The following PLXND1 variants were observed in gnomAD, a reference collection of about 807,000 sequenced individuals.
The protein encoded by PLXND1 is plexin-D1.
In PLXND1, 54 loss-of-function variants were observed where a neutral mutation model predicts 197.7. That is an observed-to-expected ratio of 0.27 (90% CI 0.22 to 0.34). PLXND1 has a LOEUF of 0.34. PLXND1 is among the 10% of genes least tolerant of loss of function. The pLI is 1.00. For synonymous variants in PLXND1, 1,180 were observed against 1,161.2 expected, an observed-to-expected ratio of 1.02 and a Z score of -0.33; for missense variants, 2,127 against 2,699.2, an observed-to-expected ratio of 0.79 and a Z score of 4.70.
At chr3:129,568,521 A>G (rs191579406) in intron 20 of PLXND1, among the ~76,000 whole-genome samples, 3 of 152,282 alleles carry the variant, frequency 2.0e-5, no homozygotes, top group Non-Finnish European at 4.4e-5. Context: ...TAATCCAGTG[A>G]TTTAAAGTGT....
chr3:129,579,167 G>A (rs2085354346), intron 8 of PLXND1, among the ~76,000 whole-genome samples: 1 of 152,058 alleles, frequency 6.6e-6, no homozygotes, highest in East Asian at 1.9e-4. Flanking sequence ...GGAGGGAGGA[G>A]GGAGGGAAGG....
chr3:129,605,118 G>A (rs1274913834), intron 1 of PLXND1, among the ~76,000 whole-genome samples: 4 of 152,168 alleles, frequency 2.6e-5, no homozygotes, highest in Non-Finnish European at 4.4e-5. Context: ...TTGAGTCCCT[G>A]CACATGCCCA....
intron 1 of PLXND1, among the ~76,000 whole-genome samples, chr3:129,600,719 C>G (rs9682596): frequency 0.72 from 108,572 of 151,072 alleles, 39,913 homozygotes; most frequent in Non-Finnish European, 0.79. Context: ...CTGCTTGCAC[C>G]CTTCGTCACT....
intron 9 of PLXND1, among the ~76,000 whole-genome samples, chr3:129,578,073 C>T (rs1199428699): frequency 1.3e-5 from 2 of 152,208 alleles, no homozygotes; most frequent in African/African-American, 2.4e-5. Context: ...TTTCCCTTGG[C>T]AGCTGTTGGC....
chr3:129,583,709 C>A (rs2085417981), intron 7 of PLXND1, 40 bp from the exon 8 acceptor site: 1 of 1,335,642 alleles, frequency 7.5e-7, no homozygotes, highest in Non-Finnish European at 1.1e-6. Context: ...GGTTCCCCAC[C>A]CCTCAACTCA....
chr3:129,567,954 G>C lies in PLXND1; in HGVS notation c.3866-149C>G, dbSNP rs572208081. 3.6e-4 allele frequency: 82 copies of C among 229,334 alleles called. 1 individual carries two copies. Among genetic ancestry groups the C allele is most frequent in the Non-Finnish European group, 5.8e-4 (66 of 114,316 alleles). 14.2% of individuals were successfully genotyped at this position (229,334 alleles called of 1,614,324 possible). A position where few individuals can be genotyped will look rare whatever the true frequency, so the allele number is the denominator to read the frequency against. ...CCTCCCTCCTGGGCAGGGTTGGGGTGGGGGGTGGGGAGTTGCGGGGAGCTC... is the reference window on the plus strand; with the variant it reads ...CCTCCCTCCTGGGCAGGGTTGGGGTCGGGGGTGGGGAGTTGCGGGGAGCTC... On this transcript the variant is annotated intron_variant, in intron 20 of 35. Transcript: ENST00000324093.
intron 1 of PLXND1, among the ~76,000 whole-genome samples, chr3:129,604,384 C>G (rs984530339): frequency 3.3e-5 from 5 of 152,268 alleles, no homozygotes; most frequent in African/African-American, 1.2e-4. Flanking sequence ...GCCAGACAGG[C>G]TGGATTCAAA....
chr3:129,581,660 A>T (rs2085389338), intron 8 of PLXND1, among the ~76,000 whole-genome samples: 1 of 152,170 alleles, frequency 6.6e-6, no homozygotes, highest in African/African-American at 2.4e-5. Flanking sequence ...ATAGATGGGG[A>T]AACAGAGGCA....
At chr3:129,575,678 G>C (rs1383329346) in intron 10 of PLXND1, 88 bp downstream of exon 10, 4 of 1,219,888 alleles carry the variant, frequency 3.3e-6, no homozygotes, top group Non-Finnish European at 4.7e-6. Context: ...GAACCAGAAG[G>C]TAGAGAGAGG....
At position 129,555,358 on chromosome 3, in the gene PLXND1, G is replaced by GT; in HGVS notation, c.*953dup. 3.3e-6 allele frequency: 2 copies of GT among 600,590 alleles called. No individual in the cohort carries two copies. The highest frequency in any genetic ancestry group is 7.0e-5 in the Admixed American group (2 of 28,726). The allele number at this position is 600,590 out of a possible 1,614,324, so 37.2% of individuals were successfully genotyped here. ...CATGGCCCATCGGCCACAGAGGGTCGTTTCTGGCAGGAACGGAGTGGGTGG... is the reference window on the plus strand; with the variant it reads ...CATGGCCCATCGGCCACAGAGGGTCGTTTTCTGGCAGGAACGGAGTGGGTGG... On this transcript the variant is annotated 3_prime_UTR_variant, in exon 36 of 36. Coordinates refer to ENST00000324093, the MANE Select transcript of PLXND1 (RefSeq NM_015103.3).
intron 9 of PLXND1, among the ~76,000 whole-genome samples, chr3:129,576,274 C>A (rs1004934830): frequency 1.3e-5 from 2 of 152,252 alleles, no homozygotes; most frequent in East Asian, 1.9e-4. Context: ...CCTGCCCCGG[C>A]CTTTGCCTGA....
chr3:129,556,226 G>A lies in PLXND1; in HGVS notation c.*86C>T. The A allele has an allele frequency of 5.4e-6, 5 of 921,520 alleles. No homozygotes were observed. The highest frequency in any genetic ancestry group is 8.9e-6 in the Non-Finnish European group (5 of 564,018). The allele number at this position is 921,520 out of a possible 1,614,324, so 57.1% of individuals were successfully genotyped here. On this transcript the variant is annotated 3_prime_UTR_variant, in exon 36 of 36. Transcript: ENST00000324093. The stretch of plus-strand genomic sequence containing the variant: ...CTCTGCTCAGTATTTCCCAGTCTGA[G>A]TCACAGGCACGGGGTAGAAGATCAA...
At chr3:129,587,224 G>A (rs2811460) in intron 2 of PLXND1, among the ~76,000 whole-genome samples, 1 of 151,948 alleles carries the variant, frequency 6.6e-6, no homozygotes, top group African/African-American at 2.4e-5. Context: ...TCCTCCCCCC[G>A]ACGCCCATTT....
Position 129,589,571 on chromosome 3 carries a change from T to G in PLXND1, c.1312-44A>C, listed in dbSNP as rs770939270. The G allele has an allele frequency of 2.8e-5, 41 of 1,490,494 alleles. No individual in the cohort carries two copies. In the African/African-American group the frequency reaches 4.4e-4, roughly 16 times the overall value. The allele number at this position is 1,490,494 out of a possible 1,614,324, so 92.3% of individuals were successfully genotyped here. Reference sequence around the variant, plus strand: ...GTCAGATCCCAGCTCCAGAACCTTCTCCGGCTCCCCGCCCGCACAGCTGGC... The same window carrying G: ...GTCAGATCCCAGCTCCAGAACCTTCGCCGGCTCCCCGCCCGCACAGCTGGC... On this transcript the variant is annotated intron_variant, in intron 1 of 35. Transcript: ENST00000324093.
intron 9 of PLXND1, among the ~76,000 whole-genome samples, 155 bp downstream of exon 9, chr3:129,578,174 A>G (rs1039137399): frequency 6.6e-6 from 1 of 152,234 alleles, no homozygotes; most frequent in Non-Finnish European, 1.5e-5. Flanking sequence ...CAGAAGGTGG[A>G]AACTCAGAGA....
chr3:129,566,093 C>T (rs567939741), intron 23 of PLXND1, 76 bp from the exon 24 acceptor site: 29 of 1,518,038 alleles, frequency 1.9e-5, no homozygotes, highest in African/African-American at 5.5e-5. Context: ...GTGCTTACGA[C>T]GGCTGCTTGT....
intron 13 of PLXND1, 95 bp from the exon 14 acceptor site, chr3:129,573,036 A>G (rs551160251): frequency 2.2e-4 from 175 of 784,828 alleles, no homozygotes; most frequent in Non-Finnish European, 3.4e-4. Context: ...GCCATGCCAC[A>G]CTTCCAATGC....
chr3:129,565,430 C>CT lies in PLXND1; in HGVS notation c.4430dup (p.Asn1478GlufsTer66). The stretch of plus-strand genomic sequence containing the variant: ...TGCGCCGCAGCATGAGCTTGGGGTT[C>CT]TTGGCGGCCGAGGCGTCAATGAGGT... On this transcript the variant is annotated frameshift_variant, in exon 25 of 36. Transcript: ENST00000324093. LOFTEE classifies it high-confidence loss of function. 1 of 1,614,124 alleles carries CT rather than the reference C, an allele frequency of 6.2e-7. No individual in the cohort carries two copies.
intron 3 of PLXND1, 72 bp from the exon 4 acceptor site, chr3:129,586,344 A>G (rs1009758000): frequency 1.6e-6 from 2 of 1,246,650 alleles, no homozygotes; most frequent in South Asian, 1.3e-5. Context: ...TACGGTCAGC[A>G]TGGTGCGGGC....
Sources: gnomAD v4.1 joint callset for allele counts (sites outside exome capture counted in the v4.1 genomes callset) on GRCh38, gnomAD v4.1.1 for gene constraint, MANE v1.5 for transcripts, NCBI Gene and HGNC (gene_info 2026-07-23, HGNC 2026-07-21) for gene names.